FRS2: variants seen among roughly 807,000 people sequenced by gnomAD.
FRS2 encodes the protein fibroblast growth factor receptor substrate 2, also known as FGFR signalling adaptor.
A neutral mutation model predicts 43.9 loss-of-function variants in FRS2; 8 were observed. That is an observed-to-expected ratio of 0.18 (90% CI 0.11 to 0.33). The LOEUF is 0.33. FRS2 is among the 10% of genes least tolerant of loss of function. The pLI, the probability that FRS2 is intolerant of heterozygous loss-of-function variation, is 1.00. For synonymous variants in FRS2, 219 were observed against 220.3 expected (o/e 0.99, Z 0.05); for missense variants, 534 against 627.6 (o/e 0.85, Z 1.59).
intron 8 of FRS2, 80 bp from the exon 9 acceptor site, chr12:69,573,925 A>G (rs1489738028): frequency 1.1e-6 from 1 of 885,910 alleles, no homozygotes; most frequent in Non-Finnish European, 1.7e-6. Flanking sequence ...TTGTCAATAA[A>G]ATTAACTGAT....
intron 3 of FRS2, among the ~76,000 whole-genome samples, chr12:69,552,891 C>CAA (rs369307414): frequency 1.3e-4 from 16 of 125,524 alleles, no homozygotes; most frequent in Admixed American, 1.6e-4. Context: ...GACTCCATCT[C>CAA]AAAAAAAAAA....
intron 1 of FRS2, among the ~76,000 whole-genome samples, chr12:69,480,998 G>A (rs577066013): frequency 1.4e-4 from 22 of 152,228 alleles, no homozygotes; most frequent in Non-Finnish European, 1.9e-4. Context: ...ATAAGTAACC[G>A]CCTGGAGAAT....
At chr12:69,565,398 C>T (rs201118797) in intron 4 of FRS2, among the ~76,000 whole-genome samples, 1 of 152,112 alleles carries the variant, frequency 6.6e-6, no homozygotes, top group East Asian at 1.9e-4. Context: ...TCTTAGGCTA[C>T]GCTGTTTGTT....
chr12:69,563,188 A>G (rs549981075), intron 4 of FRS2, among the ~76,000 whole-genome samples: 3 of 152,334 alleles, frequency 2.0e-5, no homozygotes, highest in Non-Finnish European at 2.9e-5. Context: ...GTAGTCTTCA[A>G]ATATTAATCT....
chr12:69,507,764 C>G (rs1874076026), intron 1 of FRS2, among the ~76,000 whole-genome samples: 1 of 152,128 alleles, frequency 6.6e-6, no homozygotes, highest in Non-Finnish European at 1.5e-5. Flanking sequence ...GTGGCTCACG[C>G]CTGTAATCCC....
chr12:69,480,079 C>G (rs1871219798), intron 1 of FRS2, among the ~76,000 whole-genome samples: 1 of 152,142 alleles, frequency 6.6e-6, no homozygotes, highest in Admixed American at 6.5e-5. Context: ...AATTTAAAAA[C>G]TTTTTATTTA....
chr12:69,488,902 T>G (rs1440717262), intron 1 of FRS2, among the ~76,000 whole-genome samples: 1 of 152,218 alleles, frequency 6.6e-6, no homozygotes, highest in Non-Finnish European at 1.5e-5. Context: ...AGTGGTCTGC[T>G]TAGAAGACTA....
intron 1 of FRS2, among the ~76,000 whole-genome samples, chr12:69,511,070 A>T (rs1449275017): frequency 6.6e-6 from 1 of 152,210 alleles, no homozygotes; most frequent in African/African-American, 2.4e-5. Context: ...TCTTTTAAAC[A>T]TATAGAGATA....
chr12:69,507,305 T>G (rs1340891432), intron 1 of FRS2, among the ~76,000 whole-genome samples: 1 of 152,222 alleles, frequency 6.6e-6, no homozygotes, highest in Non-Finnish European at 1.5e-5. Context: ...TGATAAATAC[T>G]TGGCATTTTT....
chr12:69,571,714 A>T (rs917025827), intron 7 of FRS2, among the ~76,000 whole-genome samples: 2 of 152,070 alleles, frequency 1.3e-5, no homozygotes, highest in African/African-American at 4.8e-5. Flanking sequence ...ATACAAAAAA[A>T]TTAGCCGGGC....
intron 3 of FRS2, among the ~76,000 whole-genome samples, chr12:69,545,242 C>G (rs150416623): frequency 6.6e-6 from 1 of 152,146 alleles, no homozygotes; most frequent in East Asian, 1.9e-4. Flanking sequence ...CCATTCCTAT[C>G]AAAACCACAA....
Position 69,578,929 on chromosome 12 carries a change from TAAA to T in FRS2, c.*3977_*3979del, listed in dbSNP as rs768417785. ...TTATAAACATTCCATATTTCTCTAA[TAAA>T]AAGACATAAGTGATACTGTACTATG... On this transcript the variant is annotated 3_prime_UTR_variant, in exon 9 of 9. Transcript: ENST00000549921. 3 of 152,662 alleles carry T rather than the reference TAAA, an allele frequency of 2.0e-5. No homozygotes were observed. Among genetic ancestry groups the T allele is most frequent in the Non-Finnish European group, 4.4e-5 (3 of 68,044 alleles). The allele number at this position is 152,662 out of a possible 1,614,324, so 9.5% of individuals were successfully genotyped here.
chr12:69,485,097 A>ACACACACACACACACACGCG (rs1555183182), intron 1 of FRS2, among the ~76,000 whole-genome samples: 3 of 134,020 alleles, frequency 2.2e-5, no homozygotes, highest in Non-Finnish European at 4.5e-5. Flanking sequence ...ACACACACAC[A>ACACACACACACACACACGCG]CACACACACA....
chr12:69,575,923 A>T lies in FRS2; in HGVS notation c.*968A>T, dbSNP rs1000274166. The T allele has an allele frequency of 2.0e-5, 3 of 152,482 alleles. No individual in the cohort carries two copies. The South Asian group carries it at 6.2e-4, about 32-fold the overall frequency. 9.4% of individuals were successfully genotyped at this position (152,482 alleles called of 1,614,324 possible). ...ATGTGTTCATTGTTGTTTAGTTTGC[A>T]TTTTTGTCAAATTATGGTTTTGAAG... On this transcript the variant is annotated 3_prime_UTR_variant, in exon 9 of 9. Transcript: ENST00000549921.
At chr12:69,498,190 G>C (rs1254072475) in intron 1 of FRS2, among the ~76,000 whole-genome samples, 1 of 152,138 alleles carries the variant, frequency 6.6e-6, no homozygotes, top group Non-Finnish European at 1.5e-5. Context: ...GCCCTGACAG[G>C]AAGATTGCAG....
In FRS2 at chr12:69,490,809, A is replaced by G. The variant is rs535799092; in HGVS notation, c.-261+20279A>G. ...AGAAATAAGTCCTCTACCTATGGTTATTGGTAACCTCTAGTAGCCTAGATT... is the reference window on the plus strand; with the variant it reads ...AGAAATAAGTCCTCTACCTATGGTTGTTGGTAACCTCTAGTAGCCTAGATT... On this transcript the variant is annotated intron_variant, in intron 1 of 8. Coordinates refer to ENST00000549921, the MANE Select transcript of FRS2 (RefSeq NM_001278356.2). 5.9e-5 allele frequency among the ~76,000 whole-genome samples: 9 copies of G among 152,356 alleles called. No homozygotes were observed. The South Asian group carries it at 1.7e-3, about 28-fold the overall frequency.
rs1356719054 is a variant in FRS2, at chr12:69,579,782, A to G, written c.*4827A>G. ...ACCCCAATAAAACGTTTGGTCGGAT[A>G]TCTACTTAAAAGTTTTATTGTATTT... On this transcript the variant is annotated 3_prime_UTR_variant, in exon 9 of 9. Coordinates refer to ENST00000549921, the MANE Select transcript of FRS2 (RefSeq NM_001278356.2). The G allele has an allele frequency of 2.0e-5, 3 of 152,228 alleles. No individual in the cohort carries two copies. Among genetic ancestry groups the G allele is most frequent in the African/African-American group, 7.2e-5 (3 of 41,454 alleles). 9.4% of individuals were successfully genotyped at this position (152,228 alleles called of 1,614,324 possible). A position where few individuals can be genotyped will look rare whatever the true frequency, so the allele number is the denominator to read the frequency against.
chr12:69,494,827 AC>A (rs1872739165), intron 1 of FRS2, among the ~76,000 whole-genome samples: 1 of 152,040 alleles, frequency 6.6e-6, no homozygotes, highest in East Asian at 1.9e-4. Context: ...AGTCTGGAGT[AC>A]AGTGGTGCAC....
chr12:69,546,470 C>T (rs961835886), intron 3 of FRS2, among the ~76,000 whole-genome samples: 3 of 152,096 alleles, frequency 2.0e-5, no homozygotes, highest in Non-Finnish European at 2.9e-5. Context: ...GTTACCTGGG[C>T]TGGTCTTGAA....
Sources: gnomAD v4.1 joint callset for allele counts (sites outside exome capture counted in the v4.1 genomes callset) on GRCh38, gnomAD v4.1.1 for gene constraint, MANE v1.5 for transcripts, NCBI Gene and HGNC (gene_info 2026-07-23, HGNC 2026-07-21) for gene names.